The following PRSS55 variants were observed in gnomAD, a reference collection of about 807,000 sequenced individuals.
PRSS55 encodes probable serine protease UNQ9391/PRO34284.
In PRSS55, 41 loss-of-function variants were observed where a neutral mutation model predicts 23.6. The ratio of observed to expected loss-of-function variants is 1.74; its 90% CI spans 1.35 to 2.26. The LOEUF is 2.26. PRSS55 is among the 30% of genes most tolerant of loss of function. PRSS55 has a pLI of 0.00. For missense variants in PRSS55, 669 were observed against 439.1 expected (o/e 1.52, Z -4.68); for synonymous variants, 262 against 175.5 (o/e 1.49, Z -3.90).
chr8:10,544,462 C>T (rs1250563794), intron 4 of PRSS55, among the ~76,000 whole-genome samples: 1 of 152,152 alleles, frequency 6.6e-6, no homozygotes, highest in Non-Finnish European at 1.5e-5. Flanking sequence ...TTTATCCAGT[C>T]TGACAATCTC....
downstream of PRSS55, among the ~76,000 whole-genome samples, chr8:10,542,067 C>G (rs989673786): frequency 2.6e-5 from 4 of 152,162 alleles, no homozygotes; most frequent in African/African-American, 9.7e-5. Context: ...ATTAAGTCAC[C>G]GCACCTGGCC....
intron 4 of PRSS55, among the ~76,000 whole-genome samples, chr8:10,534,904 C>G (rs1812402884): frequency 6.6e-6 from 1 of 152,166 alleles, no homozygotes; most frequent in Admixed American, 6.5e-5. Context: ...AAATTTGTGA[C>G]ATTTATATAC....
chr8:10,525,790 C>A, intron 1 of PRSS55, 51 bp downstream of exon 1: 1 of 1,525,138 alleles, frequency 6.6e-7, no homozygotes, highest in Non-Finnish European at 8.9e-7. Context: ...GTCCAGCTGA[C>A]TGGCTGCCAG....
chr8:10,543,869 C>T (rs896898742), intron 4 of PRSS55, among the ~76,000 whole-genome samples: 10 of 151,944 alleles, frequency 6.6e-5, no homozygotes, highest in Admixed American at 1.3e-4. Context: ...AATTTAATTC[C>T]ACTGAGGTTG....
chr8:10,534,965 C>T (rs759654794), intron 4 of PRSS55, among the ~76,000 whole-genome samples: 1 of 152,122 alleles, frequency 6.6e-6, no homozygotes, highest in East Asian at 1.9e-4. Context: ...ATCCCATTCA[C>T]AATATCCGCC....
At chr8:10,536,788 C>G (rs1451052304) in intron 4 of PRSS55, among the ~76,000 whole-genome samples, 1 of 152,176 alleles carries the variant, frequency 6.6e-6, no homozygotes, top group Non-Finnish European at 1.5e-5. Context: ...ATCGCATGTT[C>G]TCACTTATAA....
At chr8:10,540,014 C>T (rs534080416), downstream of PRSS55, among the ~76,000 whole-genome samples, 8 of 152,286 alleles carry the variant, frequency 5.3e-5, no homozygotes, top group South Asian at 2.1e-4. Flanking sequence ...AAGCTGATGG[C>T]GCTCCTCTCT....
chr8:10,532,494 C>T (rs747849515), intron 3 of PRSS55, among the ~76,000 whole-genome samples: 8 of 152,066 alleles, frequency 5.3e-5, no homozygotes, highest in Non-Finnish European at 7.3e-5. Flanking sequence ...GTTTTTTCAC[C>T]GGGAGTGCAA....
chr8:10,532,947 A>G lies in PRSS55; in HGVS notation c.640A>G (p.Met214Val), dbSNP rs753395266. ...SVKTDLMKAP[M>V]VIMDWEECSK... ...GAAAACGGATCTGATGAAAGCGCCA[A>G]TGGTCATCATGGACTGGGAGGAGTG... Residue 214 changes from methionine (M) to valine (V), a missense_variant, in exon 4 of 5, where the codon ATG becomes GTG. Transcript: ENST00000328655. 60 of 1,614,098 alleles carry G rather than the reference A, an allele frequency of 3.7e-5. No homozygotes were observed. In the Middle Eastern group the frequency reaches 4.9e-4, roughly 13 times the overall value.
At chr8:10,543,423 T>TTCCTTC (rs1812717370), downstream of PRSS55, among the ~76,000 whole-genome samples, 1 of 71,474 alleles carries the variant, frequency 1.4e-5, no homozygotes, top group Non-Finnish European at 3.3e-5. Context: ...CTTCTTTCTT[T>TTCCTTC]CTTCCTTCCT....
chr8:10,542,165 C>T (rs1474094745), downstream of PRSS55, among the ~76,000 whole-genome samples: 1 of 152,102 alleles, frequency 6.6e-6, no homozygotes, highest in Non-Finnish European at 1.5e-5. Context: ...AGTTAGGCTA[C>T]AGGATTATCA....
intron 2 of PRSS55, among the ~76,000 whole-genome samples, chr8:10,531,045 T>G (rs1812235562): frequency 1.3e-5 from 2 of 152,308 alleles, no homozygotes; most frequent in African/African-American, 2.4e-5. Flanking sequence ...AGCACCTCAT[T>G]CATATCCCTG....
rs28690139 is a variant in PRSS55, at chr8:10,532,053, G to T, written c.598+508G>T. 1.9e-3 allele frequency among the ~76,000 whole-genome samples: 293 copies of T among 152,230 alleles called. 1 individual carries two copies. The highest frequency in any genetic ancestry group is 6.4e-3 in the African/African-American group (265 of 41,526). ...AATATGACGAAGGGCCCGCTGGACT[G>T]TCCCCCAAAAAAACCCAACAAAACC... On this transcript the variant is annotated intron_variant, in intron 3 of 4. Transcript: ENST00000328655.
intron 2 of PRSS55, among the ~76,000 whole-genome samples, chr8:10,530,171 A>C (rs1327388700): frequency 6.6e-6 from 1 of 152,200 alleles, no homozygotes; most frequent in African/African-American, 2.4e-5. Context: ...GACCCTGCTA[A>C]GAAACTTTCC....
At chr8:10,535,767 T>C (rs932736267) in intron 4 of PRSS55, among the ~76,000 whole-genome samples, 5 of 152,026 alleles carry the variant, frequency 3.3e-5, no homozygotes, top group African/African-American at 4.8e-5. Context: ...ATTAACAGAG[T>C]AAACAGACAA....
chr8:10,528,439 G>A (rs1206864578), intron 1 of PRSS55, among the ~76,000 whole-genome samples: 1 of 152,188 alleles, frequency 6.6e-6, no homozygotes. Context: ...CTCATGCCTT[G>A]TTCCAGAACA....
rs144558050 is a variant in PRSS55 at position 10,529,573 on chromosome 8, C to T, written c.221C>T (p.Ala74Val). The part of the protein sequence containing the change: ...RYSRITGGME[A>V]EVGEFPWQVS... ...TCCAGAATCACAGGGGGGATGGAGG[C>T]GGAGGTGGGTGAGTTTCCGTGGCAG... is the stretch of plus-strand genomic sequence containing the variant. The change falls in exon 2 of 5, where the codon GCG (alanine) becomes GTG (valine). Residue 74 changes from alanine (A) to valine (V), a missense_variant. Physicochemically the swap from Ala to Val is moderately conservative, Grantham distance 64. Coordinates refer to ENST00000328655, the MANE Select transcript of PRSS55 (RefSeq NM_198464.4). 1.3e-4 allele frequency: 203 copies of T among 1,614,122 alleles called. 1 individual carries two copies. In the Middle Eastern group the frequency reaches 3.0e-3, roughly 24 times the overall value.
chr8:10,529,775 G>A, intron 2 of PRSS55, 76 bp downstream of exon 2: 1 of 1,431,898 alleles, frequency 7.0e-7, no homozygotes, highest in Non-Finnish European at 9.6e-7. Context: ...ACCCACACCT[G>A]GTGGCTGAGA....
intron 4 of PRSS55, among the ~76,000 whole-genome samples, chr8:10,545,884 G>C (rs1421896609): frequency 6.6e-6 from 1 of 152,218 alleles, no homozygotes; most frequent in African/African-American, 2.4e-5. Flanking sequence ...GGCCCAGTAA[G>C]AGGCATCTTC....
Sources: gnomAD v4.1 joint callset for allele counts (sites outside exome capture counted in the v4.1 genomes callset) on GRCh38, gnomAD v4.1.1 for gene constraint, MANE v1.5 for transcripts, NCBI Gene and HGNC (gene_info 2026-07-23, HGNC 2026-07-21) for gene names.